FSTL1: variants seen among roughly 807,000 people sequenced by gnomAD.
FSTL1 encodes the protein follistatin-related protein 1.
Under a neutral mutation model 45.9 loss-of-function variants are expected in FSTL1, and 24 were observed. That is an observed-to-expected ratio of 0.52 (90% CI 0.38 to 0.74). FSTL1 has a LOEUF of 0.74. Ranked by LOEUF, FSTL1 falls within the 30% of genes least tolerant of loss-of-function variation. The probability of loss-of-function intolerance (pLI) is 0.00; values close to 1 mark genes in which losing one functional copy is unlikely to be tolerated. For missense variants in FSTL1, 340 were observed against 381.8 expected (o/e 0.89, Z 0.91); for synonymous variants, 120 against 137.6 (o/e 0.87, Z 0.89).
intron 3 of FSTL1, among the ~76,000 whole-genome samples, chr3:120,415,094 G>A (rs1001135590): frequency 5.2e-4 from 74 of 142,620 alleles, no homozygotes; most frequent in African/African-American, 1.8e-3. Flanking sequence ...TTATACAATG[G>A]AATAAATACA....
intron 9 of FSTL1, 40 bp downstream of exon 9, chr3:120,402,768 C>T: frequency 8.5e-7 from 1 of 1,181,078 alleles, no homozygotes; most frequent in Non-Finnish European, 1.3e-6. Context: ...ATGAAGCTCT[C>T]TCCTTGCTGT....
chr3:120,418,508 T>A lies in FSTL1; in HGVS notation c.64-2481A>T, dbSNP rs368969827. On this transcript the variant is annotated intron_variant, in intron 2 of 10. Transcript: ENST00000295633. The stretch of plus-strand genomic sequence containing the variant: ...ACAGGTGAGAGAGCAGAGGCTTAAA[T>A]AACTAGAAAGTGGCAGAGCTAGAAT... 6.6e-4 allele frequency among the ~76,000 whole-genome samples: 100 copies of A among 152,354 alleles called. 2 individuals are homozygous for A. The South Asian group carries it at 0.021, about 31-fold the overall frequency.
chr3:120,398,266 A>C (rs770775222), intron 10 of FSTL1, among the ~76,000 whole-genome samples: 2 of 152,178 alleles, frequency 1.3e-5, no homozygotes, highest in Non-Finnish European at 2.9e-5. Context: ...AAATTTTTAA[A>C]ACCTGACAAC....
intron 8 of FSTL1, 40 bp downstream of exon 8, chr3:120,403,202 T>G (rs1216954647): frequency 2.7e-6 from 3 of 1,115,914 alleles, no homozygotes; most frequent in Non-Finnish European, 4.1e-6. Context: ...ACAAAATGCC[T>G]CCATTCACTA....
intron 6 of FSTL1, among the ~76,000 whole-genome samples, chr3:120,406,535 G>A (rs969536253): frequency 2.6e-5 from 4 of 152,224 alleles, no homozygotes; most frequent in African/African-American, 9.6e-5. Flanking sequence ...ACACACTTCA[G>A]TAGGACTAGA....
In FSTL1 at chr3:120,422,267, C is replaced by T. The variant is rs559103610; in HGVS notation, c.64-6240G>A. On this transcript the variant is annotated intron_variant, in intron 2 of 10. Transcript: ENST00000295633. ...TTTGGAGATCTAATGTACAGCATGGCGATGATAGTTAATAATACTGTTTGT... is the reference window on the plus strand; with the variant it reads ...TTTGGAGATCTAATGTACAGCATGGTGATGATAGTTAATAATACTGTTTGT... 5.3e-5 allele frequency among the ~76,000 whole-genome samples: 8 copies of T among 152,116 alleles called. No individual in the cohort carries two copies. The South Asian group carries it at 8.3e-4, about 16-fold the overall frequency.
In FSTL1 at chr3:120,396,205, AC is replaced by A. The variant is rs890348940; in HGVS notation, c.*746del. The A allele has an allele frequency of 1.3e-5, 2 of 151,114 alleles. No homozygotes were observed. Among genetic ancestry groups the A allele is most frequent in the African/African-American group, 4.9e-5 (2 of 40,702 alleles). The allele number at this position is 151,114 out of a possible 1,614,324, so 9.4% of individuals were successfully genotyped here. ...TGAAAAATAATTACAAAAGCTTAAT[AC>A]CTAGTCAAGAAAATAAAATATTAAA... is the stretch of plus-strand genomic sequence containing the variant. On this transcript the variant is annotated 3_prime_UTR_variant, in exon 11 of 11. Transcript: ENST00000295633.
rs1404340591 is a variant in FSTL1, at chr3:120,396,193, C to A, written c.*759G>T. On this transcript the variant is annotated 3_prime_UTR_variant, in exon 11 of 11. Transcript: ENST00000295633. Reference sequence around the variant, plus strand: ...TGGTGGGACTACTGAAAAATAATTACAAAAGCTTAATACCTAGTCAAGAAA... The same window carrying A: ...TGGTGGGACTACTGAAAAATAATTAAAAAAGCTTAATACCTAGTCAAGAAA... 6.7e-6 allele frequency: 1 copy of A among 149,024 alleles called. No homozygotes were observed. The highest frequency in any genetic ancestry group is 1.5e-5 in the Non-Finnish European group (1 of 67,370). 9.2% of individuals were successfully genotyped at this position (149,024 alleles called of 1,614,324 possible).
chr3:120,425,139 G>C (rs938357440), intron 2 of FSTL1, among the ~76,000 whole-genome samples: 1 of 152,154 alleles, frequency 6.6e-6, no homozygotes, highest in African/African-American at 2.4e-5. Flanking sequence ...GCCAGGGTAT[G>C]GGGCTTGGCT....
intron 5 of FSTL1, 97 bp from the exon 6 acceptor site, chr3:120,409,759 G>C: frequency 9.0e-7 from 1 of 1,113,200 alleles, no homozygotes. Flanking sequence ...CCATGGTTCT[G>C]CATATGTCAT....
intron 2 of FSTL1, among the ~76,000 whole-genome samples, chr3:120,431,264 C>T (rs1195027550): frequency 6.6e-6 from 1 of 152,122 alleles, no homozygotes; most frequent in East Asian, 1.9e-4. Context: ...AGCCACCGCA[C>T]CCGGCCTCTG....
intron 2 of FSTL1, among the ~76,000 whole-genome samples, chr3:120,442,320 C>T (rs1395321800): frequency 6.6e-6 from 1 of 152,246 alleles, no homozygotes; most frequent in Non-Finnish European, 1.5e-5. Context: ...ACTCAGTCCA[C>T]TGCCCCAAAG....
intron 2 of FSTL1, among the ~76,000 whole-genome samples, chr3:120,425,159 T>G (rs1057141956): frequency 2.0e-5 from 3 of 152,040 alleles, no homozygotes; most frequent in Non-Finnish European, 4.4e-5. Flanking sequence ...TAGCAGAGTG[T>G]AGTTTGGATT....
chr3:120,446,587 G>A (rs1336808169), intron 2 of FSTL1, among the ~76,000 whole-genome samples: 2 of 152,188 alleles, frequency 1.3e-5, no homozygotes, highest in Admixed American at 1.3e-4. Context: ...AAACAAGCAA[G>A]AGATCATTTT....
intron 2 of FSTL1, among the ~76,000 whole-genome samples, chr3:120,431,607 G>A (rs1937479625): frequency 1.3e-5 from 2 of 152,014 alleles, no homozygotes; most frequent in African/African-American, 2.4e-5. Flanking sequence ...ACGATTCCTT[G>A]AGGCCAGGAG....
Position 120,402,912 on chromosome 3 carries a change from G to A in FSTL1, c.701C>T (p.Ala234Val). 4 of 1,602,762 alleles carry A rather than the reference G, an allele frequency of 2.5e-6. No individual in the cohort carries two copies. The highest frequency in any genetic ancestry group is 1.7e-5 in the Admixed American group (1 of 59,996). Residue 234 changes from alanine to valine, a missense_variant, in exon 9 of 11, where the codon GCC becomes GTC. Transcript: ENST00000295633. Reference protein sequence around the residue: ...PSFNPPEKKCALEDETYADGA... With the variant: ...PSFNPPEKKCVLEDETYADGA... ...ATCTGCATACGTTTCATCCTCCAGG[G>A]CACACTCTGTTGGGCCAGAAATACG...
chr3:120,450,391 C>G (rs1287601870), intron 2 of FSTL1, among the ~76,000 whole-genome samples: 3 of 152,212 alleles, frequency 2.0e-5, no homozygotes, highest in African/African-American at 4.8e-5. Context: ...CGCTGCTGCT[C>G]CAGTCGCCGC....
intron 3 of FSTL1, among the ~76,000 whole-genome samples, chr3:120,415,122 CA>C (rs36113603): frequency 0.47 from 57,332 of 122,034 alleles, 13,147 homozygotes; most frequent in East Asian, 0.77. Flanking sequence ...GTTTGTTTTT[CA>C]AAAAAAAAAA....
At chr3:120,416,960 C>A (rs1937196970) in intron 2 of FSTL1, among the ~76,000 whole-genome samples, 1 of 152,182 alleles carries the variant, frequency 6.6e-6, no homozygotes, top group Admixed American at 6.5e-5. Flanking sequence ...AAGCCAGCCC[C>A]ACCTCATTCA....
Sources: gnomAD v4.1 joint callset for allele counts (sites outside exome capture counted in the v4.1 genomes callset) on GRCh38, gnomAD v4.1.1 for gene constraint, MANE v1.5 for transcripts, NCBI Gene and HGNC (gene_info 2026-07-23, HGNC 2026-07-21) for gene names.